The following LBHD1 variants were observed in gnomAD, a reference collection of about 807,000 sequenced individuals.
LBHD1 encodes LBH domain containing 1, also known as LBH domain-containing protein 1.
In LBHD1, 28 loss-of-function variants were observed where a neutral mutation model predicts 31.1. That is an observed-to-expected ratio of 0.90 (90% CI 0.67 to 1.24). LBHD1 has a LOEUF of 1.24. Ranked by LOEUF, LBHD1 falls within the 50% of genes most tolerant of loss-of-function variation. The pLI is 0.00. For synonymous variants in LBHD1, 105 were observed against 116.5 expected (o/e 0.90, Z 0.63); for missense variants, 350 against 323.0 (o/e 1.08, Z -0.64).
Position 62,665,527 on chromosome 11 carries a change from C to A in LBHD1, c.539-554G>T, listed in dbSNP as rs765114035. ...CTCGGCGTCATGTCTTCGGTGCTGGCGGCTTCCCATCCGCTGGTTCTATCC... is the reference window on the plus strand; with the variant it reads ...CTCGGCGTCATGTCTTCGGTGCTGGAGGCTTCCCATCCGCTGGTTCTATCC... On this transcript the variant is annotated intron_variant, in intron 4 of 6. Transcript: ENST00000354588. 5.1e-6 allele frequency: 8 copies of A among 1,568,080 alleles called. No homozygotes were observed. In the Admixed American group the frequency reaches 1.0e-4, roughly 20 times the overall value.
chr11:62,670,310 T>C, intron 1 of LBHD1: 2 of 446,370 alleles, frequency 4.5e-6, no homozygotes, highest in South Asian at 4.7e-5. Flanking sequence ...GATAACCAAC[T>C]TGGAATTTCC....
In LBHD1 at chr11:62,669,786, G is replaced by A; in HGVS notation, c.168C>T (p.Ser56=). 2 of 1,614,190 alleles carry A rather than the reference G, an allele frequency of 1.2e-6. No individual in the cohort carries two copies. Among genetic ancestry groups the A allele is most frequent in the Non-Finnish European group, 1.7e-6 (2 of 1,180,032 alleles). ...HQHIQDFSQK[S]HLPSIVVESS... is the part of the protein sequence containing the mutation. ...ATTCCACCACAATAGACGGCAGATGGGACTTTTGAGAGAAATCCTGAATAG... is the reference window on the plus strand; with the variant it reads ...ATTCCACCACAATAGACGGCAGATGAGACTTTTGAGAGAAATCCTGAATAG... The change falls in exon 3 of 7, where the codon TCC becomes TCT. Residue 56 remains serine, a synonymous_variant. Transcript: ENST00000354588.
At chr11:62,665,435 G>A (rs1336979459) in intron 4 of LBHD1, 2 of 1,543,004 alleles carry the variant, frequency 1.3e-6, no homozygotes, top group Middle Eastern at 1.8e-4. Flanking sequence ...CCTTTTCTTG[G>A]CGGGGATCGG....
intron 4 of LBHD1, chr11:62,666,401 C>T (rs1944813042): frequency 1.2e-6 from 2 of 1,609,262 alleles, no homozygotes; most frequent in Non-Finnish European, 1.7e-6. Context: ...CACAGGCTCA[C>T]TGGCTGATAG....
chr11:62,669,436 G>C, intron 3 of LBHD1: 2 of 984,946 alleles, frequency 2.0e-6, no homozygotes, highest in African/African-American at 1.7e-5. Context: ...ACAGATTAAA[G>C]GATGGCACCC....
intron 4 of LBHD1, chr11:62,666,352 A>T: frequency 6.3e-7 from 1 of 1,594,564 alleles, no homozygotes; most frequent in Non-Finnish European, 8.5e-7. Flanking sequence ...ACGTTTTTGC[A>T]GTGGCGACAT....
At chr11:62,664,281 A>G (rs1473817627) in intron 5 of LBHD1, among the ~76,000 whole-genome samples, 1 of 150,192 alleles carries the variant, frequency 6.7e-6, no homozygotes, top group African/African-American at 2.4e-5. Context: ...GTGTGAATGT[A>G]TAACATTACT....
chr11:62,666,735 C>G lies in LBHD1; in HGVS notation c.538+788G>C, dbSNP rs764287011. 4.5e-5 allele frequency: 73 copies of G among 1,613,996 alleles called. No individual in the cohort carries two copies. In the Admixed American group the frequency reaches 1.2e-3, roughly 26 times the overall value. ...CCTCTATGCCCTGGACACCCTGCCT[C>G]AAGCCTCCACTTCATGCACGCCGAT... On this transcript the variant is annotated intron_variant, in intron 4 of 6. Coordinates refer to ENST00000354588, the MANE Select transcript of LBHD1 (RefSeq NM_024099.5).
rs917361744 is a variant in LBHD1 at position 62,671,544 on chromosome 11, C to A, written c.-11+20G>T. 3.5e-6 allele frequency: 5 copies of A among 1,421,776 alleles called. No homozygotes were observed. Among genetic ancestry groups the A allele is most frequent in the Admixed American group, 2.9e-5 (1 of 34,572 alleles). The allele number at this position is 1,421,776 out of a possible 1,614,324, so 88.1% of individuals were successfully genotyped here. A position where few individuals can be genotyped will look rare whatever the true frequency, so the allele number is the denominator to read the frequency against. ...CTTGGTGCCAGCACTTCTTGGACAC[C>A]TCAACCCCCTCAGCTAAACCTGAGA... On this transcript the variant is annotated intron_variant, in intron 1 of 6. Transcript: ENST00000354588.
At chr11:62,667,113 CTT>C (rs1944841552) in intron 4 of LBHD1, 2 of 1,477,446 alleles carry the variant, frequency 1.4e-6, no homozygotes, top group South Asian at 1.4e-5. Flanking sequence ...GAAGAACTGT[CTT>C]TGCAAGCTAT....
intron 4 of LBHD1, 124 bp from the exon 5 acceptor site, chr11:62,665,097 T>G: frequency 1.4e-6 from 2 of 1,422,024 alleles, no homozygotes; most frequent in Non-Finnish European, 9.6e-7. Context: ...CAGGAACGCT[T>G]GAGGAAACAA....
In LBHD1 at chr11:62,672,096, C is replaced by T. The variant is rs751844943; in HGVS notation, c.-543G>A. On this transcript the variant is annotated 5_prime_UTR_variant, in exon 1 of 7. Coordinates refer to ENST00000354588, the MANE Select transcript of LBHD1 (RefSeq NM_024099.5). ...GGATGGTTGGCGGCGAAGGCGGCGC[C>T]GGCGGGAGGTCACCGTGAGACCGGA... 3.8e-6 allele frequency: 6 copies of T among 1,591,012 alleles called. No individual in the cohort carries two copies. The South Asian group carries it at 5.6e-5, about 15-fold the overall frequency.
At chr11:62,667,091 A>C in intron 4 of LBHD1, 1 of 1,524,754 alleles carries the variant, frequency 6.6e-7, no homozygotes, top group Non-Finnish European at 8.8e-7. Context: ...TTCTGTGGGC[A>C]AGGAGAGGGC....
Position 62,671,558 on chromosome 11 carries a change from C to A in LBHD1, c.-11+6G>T. 5 of 1,432,950 alleles carry A rather than the reference C, an allele frequency of 3.5e-6. No homozygotes were observed. Among genetic ancestry groups the A allele is most frequent in the Non-Finnish European group, 4.6e-6 (5 of 1,097,026 alleles). The allele number at this position is 1,432,950 out of a possible 1,614,324, so 88.8% of individuals were successfully genotyped here. A position where few individuals can be genotyped will look rare whatever the true frequency, so the allele number is the denominator to read the frequency against. ...TTCTTGGACACCTCAACCCCCTCAG[C>A]TAAACCTGAGATCCAAGCGCTCCGG... On this transcript the variant is annotated splice_donor_region_variant and intron_variant, in intron 1 of 6. Coordinates refer to ENST00000354588, the MANE Select transcript of LBHD1 (RefSeq NM_024099.5).
At chr11:62,665,119 C>T (rs748304637) in intron 4 of LBHD1, 146 bp from the exon 5 acceptor site, 2 of 1,225,632 alleles carry the variant, frequency 1.6e-6, no homozygotes, top group Non-Finnish European at 1.2e-6. Flanking sequence ...GTCGCGGCCC[C>T]CACACAGTCA....
At chr11:62,666,321 A>C (rs79581959) in intron 4 of LBHD1, 1 of 1,453,874 alleles carries the variant, frequency 6.9e-7, no homozygotes, top group Admixed American at 1.7e-5. Flanking sequence ...AAAAAAAAAA[A>C]GACGCCAGTG....
At chr11:62,663,205 T>G in intron 6 of LBHD1, 31 bp downstream of exon 6, 1 of 1,613,784 alleles carries the variant, frequency 6.2e-7, no homozygotes, top group Non-Finnish European at 8.5e-7. Context: ...AAATCCAGGA[T>G]TCCCCTCACC....
chr11:62,664,589 C>G (rs1025889105), intron 5 of LBHD1, among the ~76,000 whole-genome samples: 5 of 152,258 alleles, frequency 3.3e-5, no homozygotes, highest in African/African-American at 1.2e-4. Context: ...CCTCAGCCCC[C>G]CAAAGTGCTG....
chr11:62,665,811 G>T, intron 4 of LBHD1: 1 of 1,583,080 alleles, frequency 6.3e-7, no homozygotes. Flanking sequence ...TGGACCTCAG[G>T]CCTCTCCGGC....
Sources: allele counts gnomAD v4.1 joint callset (sites outside exome capture counted in the v4.1 genomes callset), GRCh38; gene constraint gnomAD v4.1.1; transcripts MANE v1.5; gene names NCBI Gene and HGNC (gene_info 2026-07-23, HGNC 2026-07-21).